Variants in ATAD3C observed in about 807,000 individuals in gnomAD.
ATAD3C encodes the protein ATPase family AAA domain containing 3C, also known as ATPase family AAA domain-containing protein 3C.
Under a neutral mutation model 46.3 loss-of-function variants are expected in ATAD3C, and 38 were observed. The ratio of observed to expected loss-of-function variants is 0.82; its 90% CI spans 0.63 to 1.08. The LOEUF (loss-of-function observed/expected upper bound fraction) is 1.08, where lower values mean the gene tolerates loss of function less well. Among genes scored for constraint, ATAD3C ranks in the 50% least tolerant of loss-of-function variants. The pLI is 0.00. For missense variants in ATAD3C, 563 were observed against 572.7 expected (o/e 0.98, Z 0.17); for synonymous variants, 220 against 236.4 (o/e 0.93, Z 0.63).
chr1:1,467,607 C>T (rs535218128), intron 11 of ATAD3C, among the ~76,000 whole-genome samples: 4,651 of 152,128 alleles, frequency 0.031, 268 homozygotes, highest in African/African-American at 0.11. Context: ...CTCTGGGAGG[C>T]ATAGCTGGGA....
rs760744951 is a variant in ATAD3C, at chr1:1,468,520, C to A, written c.1226C>A (p.Pro409His). 1.0e-5 allele frequency: 16 copies of A among 1,606,660 alleles called. No individual in the cohort carries two copies. The East Asian group carries it at 3.6e-4, about 36-fold the overall frequency. Residue 409 changes from proline to histidine, a missense_variant, in exon 12 of 12, where the codon CCC (proline) becomes CAC (histidine). This residue lies in a region of ATAD3C where 273 missense variants were observed against 253.5 expected (regional missense o/e 1.08). Coordinates refer to ENST00000378785, the MANE Select transcript of ATAD3C (RefSeq NM_001039211.3). ...GERPGPEDEQ[P>H]SS is the part of the protein sequence containing the mutation. ...AGGCCTGGGCCCGAGGACGAGCAACCCTCATCCTGAGTCCATGGGGAGACC... is the reference window on the plus strand; with the variant it reads ...AGGCCTGGGCCCGAGGACGAGCAACACTCATCCTGAGTCCATGGGGAGACC...
At chr1:1,456,930 G>A (rs1417300947) in intron 7 of ATAD3C, among the ~76,000 whole-genome samples, 199 bp from the exon 8 acceptor site, 8 of 151,988 alleles carry the variant, frequency 5.3e-5, no homozygotes, top group Non-Finnish European at 1.0e-4. Flanking sequence ...ACTGGGCTGA[G>A]TGGGGGTGAA....
chr1:1,467,517 C>G (rs1355192775), intron 11 of ATAD3C, among the ~76,000 whole-genome samples: 11 of 152,086 alleles, frequency 7.2e-5, no homozygotes, highest in Non-Finnish European at 1.3e-4. Flanking sequence ...TGGTCATCCC[C>G]ATGGCAGGTT....
In ATAD3C at chr1:1,460,760, A is replaced by G; in HGVS notation, c.823A>G (p.Ile275Val). The G allele has an allele frequency of 6.2e-7, 1 of 1,607,582 alleles. No homozygotes were observed. The highest frequency in any genetic ancestry group is 8.5e-7 in the Non-Finnish European group (1 of 1,176,766). The stretch of plus-strand genomic sequence containing the variant: ...ATCCCCGCCCCGCAGATTCATGCTG[A>G]TCCTGGCCAGCTGCCACCCCGAGCA... ...TGQHSNKFML[I>V]LASCHPEQFD... is the part of the protein sequence containing the mutation. The change falls in exon 10 of 12, where the codon ATC (isoleucine) becomes GTC (valine). Residue 275 changes from isoleucine (I) to valine (V), a missense_variant. Ile to Val is a conservative substitution (Grantham distance 29, BLOSUM62 3). This residue lies in a region of ATAD3C where 273 missense variants were observed against 253.5 expected (regional missense o/e 1.08). Transcript: ENST00000378785.
At chr1:1,465,305 T>C (rs767757544) in intron 11 of ATAD3C, among the ~76,000 whole-genome samples, 1 of 151,750 alleles carries the variant, frequency 6.6e-6, no homozygotes, top group African/African-American at 2.4e-5. Context: ...AGATTATTCA[T>C]TGTGGGCCAG....
rs2489826 is a variant in ATAD3C, at chr1:1,450,794, A to G, written c.75+36A>G. Reference sequence around the variant, plus strand: ...CCGGTGTGGGCGGGGAGGCCGGGGCACACATGGGGTTCGGGCGTGGAGATT... The same window carrying G: ...CCGGTGTGGGCGGGGAGGCCGGGGCGCACATGGGGTTCGGGCGTGGAGATT... On this transcript the variant is annotated intron_variant, in intron 1 of 11. Transcript: ENST00000378785. 646 of 1,610,090 alleles carry G rather than the reference A, an allele frequency of 4.0e-4. 8 individuals are homozygous for G. The highest frequency in any genetic ancestry group is 5.5e-4 in the Admixed American group (33 of 59,628).
At position 1,454,563 on chromosome 1, in the gene ATAD3C, G is replaced by A. The variant is rs373227616; in HGVS notation, c.378+63G>A. 5.1e-4 allele frequency: 788 copies of A among 1,560,174 alleles called. 49 individuals carry two copies. In the African/African-American group the frequency reaches 9.8e-3, roughly 19 times the overall value. On this transcript the variant is annotated intron_variant, in intron 4 of 11. Coordinates refer to ENST00000378785, the MANE Select transcript of ATAD3C (RefSeq NM_001039211.3). ...CCTGGCTGAGTCCCTTCTGCCCCAC[G>A]AGCACAGCCCACGCATATACTCCTG...
intron 1 of ATAD3C, among the ~76,000 whole-genome samples, chr1:1,451,094 G>A (rs1487548580): frequency 6.6e-6 from 1 of 151,484 alleles, no homozygotes; most frequent in East Asian, 1.9e-4. Context: ...AGGCTGGAGT[G>A]CAGTGGTGCG....
Position 1,462,329 on chromosome 1 carries a change from T to G in ATAD3C, c.981-271T>G, listed in dbSNP as rs112186558. ...AACTCAGGGCTCTGCCACTGCCAGTTTAACGGCCATGCGCCCTGTGGGTGC... is the reference window on the plus strand; with the variant it reads ...AACTCAGGGCTCTGCCACTGCCAGTGTAACGGCCATGCGCCCTGTGGGTGC... On this transcript the variant is annotated intron_variant, in intron 10 of 11. Transcript: ENST00000378785. This position sits in a 1 kb window ranked among gnomAD's most constrained non-coding sequence, Gnocchi z 4.5. Among the ~76,000 whole-genome samples the G allele has an allele frequency of 0.044, 6,655 of 152,110 alleles. 524 individuals carry two copies. Among genetic ancestry groups the G allele is most frequent in the African/African-American group, 0.15 (6,258 of 41,502 alleles).
intron 8 of ATAD3C, among the ~76,000 whole-genome samples, chr1:1,457,721 C>T (rs1173439115): frequency 7.3e-5 from 11 of 151,248 alleles, no homozygotes; most frequent in African/African-American, 2.7e-4. Context: ...GCTTTGTTGC[C>T]AGAGTGGAGT....
intron 10 of ATAD3C, 35 bp downstream of exon 10, chr1:1,460,952 GC>G (rs1557780153): frequency 1.3e-6 from 2 of 1,575,048 alleles, no homozygotes; most frequent in Admixed American, 1.7e-5. Flanking sequence ...CCGTCCAGGG[GC>G]CCTCGCTCAG....
rs929913200 is a variant in ATAD3C at position 1,459,483 on chromosome 1, C to T, written c.812+252C>T. On this transcript the variant is annotated intron_variant, in intron 9 of 11. Coordinates refer to ENST00000378785, the MANE Select transcript of ATAD3C (RefSeq NM_001039211.3). The surrounding 1 kb of genome is among the most constrained non-coding windows in gnomAD (Gnocchi z 4.9). ...CCTCACGGCCCTGTGCACCGCCGCCCCAGCTTGCAGGTCCCTCTGCCCCTA... is the reference window on the plus strand; with the variant it reads ...CCTCACGGCCCTGTGCACCGCCGCCTCAGCTTGCAGGTCCCTCTGCCCCTA... 2.0e-5 allele frequency among the ~76,000 whole-genome samples: 3 copies of T among 151,912 alleles called. No individual in the cohort carries two copies. The highest frequency in any genetic ancestry group is 2.9e-5 in the Non-Finnish European group (2 of 67,980).
At chr1:1,457,034 T>G (rs998991780) in intron 7 of ATAD3C, 95 bp from the exon 8 acceptor site, 13 of 1,552,980 alleles carry the variant, frequency 8.4e-6, no homozygotes, top group Middle Eastern at 2.2e-4. Flanking sequence ...CCCGTGGGGA[T>G]CTGCCTGCTT....
intron 8 of ATAD3C, among the ~76,000 whole-genome samples, chr1:1,457,669 T>G (rs1421320680): frequency 6.9e-6 from 1 of 145,948 alleles, no homozygotes; most frequent in African/African-American, 2.6e-5. Flanking sequence ...GGCTTTTGAG[T>G]GTTTTTTGTT....
At chr1:1,455,584 G>A in intron 5 of ATAD3C, 65 bp downstream of exon 5, 8 of 1,606,526 alleles carry the variant, frequency 5.0e-6, no homozygotes, top group Non-Finnish European at 6.8e-6. Flanking sequence ...GCTGGGCTGT[G>A]GCCCTTGCTG....
chr1:1,461,378 C>T lies in ATAD3C; in HGVS notation c.980+461C>T, dbSNP rs187918876. On this transcript the variant is annotated intron_variant, in intron 10 of 11. Transcript: ENST00000378785. ...ACTTTTCGTATTTTTTGTGGAGATGCGGTTTCACCATGTTGGCCAGGCTGG... is the reference window on the plus strand; with the variant it reads ...ACTTTTCGTATTTTTTGTGGAGATGTGGTTTCACCATGTTGGCCAGGCTGG... Among the ~76,000 whole-genome samples the T allele has an allele frequency of 2.7e-3, 408 of 151,964 alleles. 7 individuals are homozygous for T. The highest frequency in any genetic ancestry group is 4.4e-3 in the Non-Finnish European group (298 of 67,950).
At chr1:1,464,268 G>A (rs542878209) in intron 11 of ATAD3C, among the ~76,000 whole-genome samples, 6 of 151,498 alleles carry the variant, frequency 4.0e-5, no homozygotes, top group Non-Finnish European at 5.9e-5. Context: ...CCACTGGGGC[G>A]TGTGTGCCCA....
intron 4 of ATAD3C, 90 bp from the exon 5 acceptor site, chr1:1,455,370 G>C (rs865867526): frequency 1.3e-6 from 2 of 1,537,900 alleles, no homozygotes; most frequent in Non-Finnish European, 1.8e-6. Context: ...GGGCAGCTCC[G>C]TTTCTGCGTG....
In ATAD3C at chr1:1,459,133, G is replaced by A. The variant is rs1224143239; in HGVS notation, c.742-28G>A. 5.6e-6 allele frequency: 9 copies of A among 1,595,066 alleles called. No individual in the cohort carries two copies. The East Asian group carries it at 2.0e-4, about 36-fold the overall frequency. Reference sequence around the variant, plus strand: ...CTGTTTACAAGGCTTTGCTCCTGGTGCCTAAGGCTGGAACCTTCTCTCTGC... The same window carrying A: ...CTGTTTACAAGGCTTTGCTCCTGGTACCTAAGGCTGGAACCTTCTCTCTGC... On this transcript the variant is annotated intron_variant, in intron 8 of 11. Coordinates refer to ENST00000378785, the MANE Select transcript of ATAD3C (RefSeq NM_001039211.3). The surrounding 1 kb of genome is among the most constrained non-coding windows in gnomAD (Gnocchi z 4.9).
Sources: gnomAD v4.1 joint callset for allele counts (sites outside exome capture counted in the v4.1 genomes callset) on GRCh38, gnomAD v4.1.1 for gene constraint, gnomAD v4.1.1 regional missense constraint, Gnocchi (gnomAD v3.1) non-coding constraint, MANE v1.5 for transcripts, NCBI Gene and HGNC (gene_info 2026-07-23, HGNC 2026-07-21) for gene names.